The following CDH12 variants were observed in gnomAD, a reference collection of about 807,000 sequenced individuals.
CDH12 encodes the protein cadherin 12, also known as cadherin-12.
CDH12 carries 41 observed loss-of-function variants against 74.1 expected under a neutral mutation model. That is an observed-to-expected ratio of 0.55 (90% CI 0.43 to 0.72). CDH12 has a LOEUF of 0.72. Among genes scored for constraint, CDH12 ranks in the 30% least tolerant of loss-of-function variants. CDH12 has a pLI of 0.00. For synonymous variants in CDH12, 399 were observed against 355.0 expected, an observed-to-expected ratio of 1.12 and a Z score of -1.39; for missense variants, 945 against 977.2, an observed-to-expected ratio of 0.97 and a Z score of 0.44.
intron 1 of CDH12, among the ~76,000 whole-genome samples, chr5:22,510,407 G>A (rs1266054168): frequency 1.3e-5 from 2 of 152,146 alleles, no homozygotes; most frequent in Non-Finnish European, 2.9e-5. Flanking sequence ...TTGGCATAGA[G>A]TCTAAATGAT....
At chr5:21,779,532 G>T (rs539898435) in intron 11 of CDH12, 5 of 152,256 alleles carry the variant, frequency 3.3e-5, no homozygotes, top group East Asian at 3.9e-4. Flanking sequence ...ATGCATAAAA[G>T]AATTATTAGA....
At chr5:22,036,738 G>A (rs527716278) in intron 5 of CDH12, among the ~76,000 whole-genome samples, 6 of 152,052 alleles carry the variant, frequency 3.9e-5, no homozygotes, top group Non-Finnish European at 8.8e-5. Flanking sequence ...TTTAATCAAG[G>A]TTTAATTGGT....
chr5:22,648,140 G>T (rs268978), intron 1 of CDH12, among the ~76,000 whole-genome samples: 71,516 of 151,382 alleles, frequency 0.47, 17,100 homozygotes, highest in Admixed American at 0.56. Flanking sequence ...TTTTGACAAA[G>T]GCTGATGCAA....
intron 1 of CDH12, among the ~76,000 whole-genome samples, chr5:22,786,890 T>C (rs965992998): frequency 1.3e-5 from 2 of 151,990 alleles, no homozygotes; most frequent in Non-Finnish European, 2.9e-5. Context: ...GGCTAATTTT[T>C]TGTGTTTTTA....
At chr5:22,194,760 T>C (rs1750526912) in intron 4 of CDH12, among the ~76,000 whole-genome samples, 1 of 152,198 alleles carries the variant, frequency 6.6e-6, no homozygotes, top group African/African-American at 2.4e-5. Context: ...ATGTTATTCT[T>C]TCCCTGTAGC....
At chr5:22,623,389 TG>T (rs778230459) in intron 1 of CDH12, among the ~76,000 whole-genome samples, 2 of 152,206 alleles carry the variant, frequency 1.3e-5, no homozygotes, top group Non-Finnish European at 2.9e-5. Flanking sequence ...TGTTTGCAGA[TG>T]GTATGATTGT....
chr5:22,082,262 A>G (rs1393602259), intron 4 of CDH12, among the ~76,000 whole-genome samples: 1 of 152,252 alleles, frequency 6.6e-6, no homozygotes, highest in Admixed American at 6.5e-5. Flanking sequence ...TAAGTAGAGA[A>G]CTTTCACCTT....
intron 3 of CDH12, among the ~76,000 whole-genome samples, chr5:22,278,230 A>G (rs1736725893): frequency 6.6e-6 from 1 of 152,220 alleles, no homozygotes; most frequent in African/African-American, 2.4e-5. Context: ...TATTTAATTG[A>G]ATAAAGCATA....
chr5:22,840,721 A>G (rs1737045093), intron 1 of CDH12, among the ~76,000 whole-genome samples: 1 of 152,162 alleles, frequency 6.6e-6, no homozygotes, highest in African/African-American at 2.4e-5. Flanking sequence ...TAAATGTAAT[A>G]TAAGAAAATA....
intron 5 of CDH12, among the ~76,000 whole-genome samples, chr5:22,027,683 T>G (rs556577938): frequency 1.2e-3 from 190 of 152,258 alleles, no homozygotes; most frequent in African/African-American, 4.5e-3. Flanking sequence ...TTTTTTATTG[T>G]GTGTATTTGA....
At chr5:21,802,602 T>TTTTC (rs1236722292) in intron 9 of CDH12, among the ~76,000 whole-genome samples, 182 bp from the exon 10 acceptor site, 2 of 146,256 alleles carry the variant, frequency 1.4e-5, no homozygotes, top group Non-Finnish European at 3.0e-5. Flanking sequence ...TCTTTTTTTT[T>TTTTC]TTTTTTTGAG....
intron 5 of CDH12, among the ~76,000 whole-genome samples, chr5:22,054,666 C>T (rs776662677): frequency 6.6e-6 from 1 of 152,000 alleles, no homozygotes; most frequent in African/African-American, 2.4e-5. Context: ...TGTAAAAGAG[C>T]AGAATAATTT....
chr5:22,511,079 C>T lies in CDH12; in HGVS notation c.-522-5715G>A, dbSNP rs534240021. 5.9e-5 allele frequency among the ~76,000 whole-genome samples: 9 copies of T among 151,884 alleles called. 1 individual carries two copies. The highest frequency in any genetic ancestry group is 2.6e-4 in the Admixed American group (4 of 15,242). ...TCAGCTAATTTTTGTATTTTTAGTA[C>T]AGACAGGGTTTCACCATGTTGGCCA... On this transcript the variant is annotated intron_variant, in intron 1 of 14. Coordinates refer to ENST00000382254, the MANE Select transcript of CDH12 (RefSeq NM_004061.5).
chr5:22,431,965 T>C (rs1744190260), intron 2 of CDH12, among the ~76,000 whole-genome samples: 1 of 152,118 alleles, frequency 6.6e-6, no homozygotes, highest in Non-Finnish European at 1.5e-5. Flanking sequence ...ATAACTTTGG[T>C]GTTCATCAAG....
chr5:21,751,957 T>A lies in CDH12; in HGVS notation c.2165A>T (p.Gln722Leu). The change falls in exon 15 of 15, where the codon CAG becomes CTG. Residue 722 changes from glutamine to leucine, a missense_variant. Physicochemically the swap from Gln to Leu is moderately radical, Grantham distance 113. Transcript: ENST00000382254. ...GGCAGTTGGATCCACATCATTTTCCTGTAGCCTTTGATGAATGAAATCCCT... is the reference window on the plus strand; with the variant it reads ...GGCAGTTGGATCCACATCATTTTCCAGTAGCCTTTGATGAATGAAATCCCT... ...DIRDFIHQRL[Q>L]ENDVDPTAPP... 1 of 1,614,134 alleles carries A rather than the reference T, an allele frequency of 6.2e-7. No individual in the cohort carries two copies. The highest frequency in any genetic ancestry group is 8.5e-7 in the Non-Finnish European group (1 of 1,180,012).
intron 1 of CDH12, among the ~76,000 whole-genome samples, chr5:22,679,737 C>T (rs1368042449): frequency 2.0e-5 from 3 of 151,896 alleles, no homozygotes; most frequent in African/African-American, 7.3e-5. Flanking sequence ...TTCATTAGTC[C>T]AGATGGGAAT....
At chr5:22,826,446 A>T (rs1736325981) in intron 1 of CDH12, among the ~76,000 whole-genome samples, 1 of 152,162 alleles carries the variant, frequency 6.6e-6, no homozygotes. Flanking sequence ...AGAGTAGGGC[A>T]CTGCTGAAAA....
At chr5:22,433,188 T>C (rs1435248042) in intron 2 of CDH12, among the ~76,000 whole-genome samples, 2 of 152,136 alleles carry the variant, frequency 1.3e-5, no homozygotes, top group Non-Finnish European at 2.9e-5. Flanking sequence ...CACCTTCTTC[T>C]TTTCTCTTTA....
intron 1 of CDH12, among the ~76,000 whole-genome samples, chr5:22,654,627 G>GGT (rs1739930513): frequency 7.0e-6 from 1 of 143,586 alleles, no homozygotes; most frequent in East Asian, 2.2e-4. Context: ...TTGTTTGCTT[G>GGT]TTTTTTTTTT....
Sources: gnomAD v4.1 joint callset for allele counts (sites outside exome capture counted in the v4.1 genomes callset) on GRCh38, gnomAD v4.1.1 for gene constraint, MANE v1.5 for transcripts, NCBI Gene and HGNC (gene_info 2026-07-23, HGNC 2026-07-21) for gene names.